PKD1L1: variants seen among roughly 807,000 people sequenced by gnomAD.
PKD1L1 encodes the protein polycystin 1 like 1, transient receptor potential channel interacting.
In PKD1L1, 236 loss-of-function variants were observed where a neutral mutation model predicts 323.4. That is an observed-to-expected ratio of 0.73 (90% CI 0.66 to 0.81). The LOEUF is 0.81. Ranked by LOEUF, PKD1L1 falls within the 40% of genes least tolerant of loss-of-function variation. The pLI is 0.00. For synonymous variants in PKD1L1, 1,344 were observed against 1,335.0 expected (o/e 1.01, Z -0.15); for missense variants, 3,320 against 3,508.0 (o/e 0.95, Z 1.35).
At chr7:47,917,635 C>T (rs1280390057) in intron 7 of PKD1L1, among the ~76,000 whole-genome samples, 1 of 152,206 alleles carries the variant, frequency 6.6e-6, no homozygotes, top group Non-Finnish European at 1.5e-5. Flanking sequence ...GCAGATTTCT[C>T]AGCAGAAACC....
chr7:47,876,061 G>T (rs1311660022), intron 23 of PKD1L1, 36 bp downstream of exon 23: 2 of 1,607,296 alleles, frequency 1.2e-6, no homozygotes, highest in East Asian at 4.5e-5. Flanking sequence ...CTGTAGGTTG[G>T]CACAGCTAGT....
the PKD1L1 span, among the ~76,000 whole-genome samples, chr7:47,954,303 G>A: frequency 6.6e-6 from 1 of 152,178 alleles, no homozygotes; most frequent in South Asian, 2.1e-4. Flanking sequence ...TAAGGCTTAT[G>A]TTATGGTTTA....
chr7:47,835,608 C>T (rs1417533517), intron 37 of PKD1L1, among the ~76,000 whole-genome samples: 2 of 152,112 alleles, frequency 1.3e-5, no homozygotes, highest in Admixed American at 6.6e-5. Context: ...ACCATGTTGG[C>T]CAGGCTGCTC....
At chr7:47,911,849 G>A (rs998088343) in intron 8 of PKD1L1, among the ~76,000 whole-genome samples, 7 of 149,988 alleles carry the variant, frequency 4.7e-5, no homozygotes, top group Admixed American at 2.0e-4. Context: ...ATGTGTGTAC[G>A]CAACACACAC....
In PKD1L1 at chr7:47,835,000, G is replaced by A. The variant is rs761797136; in HGVS notation, c.6094C>T (p.Leu2032Phe). ...GCCTCGGTCTGTGCTCCTCCTCTAA[G>A]TGGGCTGTGTGGCTCCACTCGGGCA... Reference protein sequence around the residue: ...GSARVEPHSPLRGGAQTEAPH... With the variant: ...GSARVEPHSPFRGGAQTEAPH... The change falls in exon 39 of 57, where the codon CTT becomes TTT. Residue 2032 changes from leucine to phenylalanine, a missense_variant. Physicochemically the swap from Leu to Phe is conservative, Grantham distance 22 (BLOSUM62 0). Transcript: ENST00000289672. 1.2e-6 allele frequency: 2 copies of A among 1,613,908 alleles called. No homozygotes were observed. Among genetic ancestry groups the A allele is most frequent in the South Asian group, 2.2e-5 (2 of 91,038 alleles).
rs1786995186 is a variant in PKD1L1 at position 47,897,992 on chromosome 7, G to A, written c.2267C>T (p.Ala756Val). Residue 756 changes from alanine (A) to valine (V), a missense_variant, in exon 14 of 57, where the codon GCC (alanine) becomes GTC (valine). Physicochemically the swap from Ala to Val is moderately conservative, Grantham distance 64. Coordinates refer to ENST00000289672, the MANE Select transcript of PKD1L1 (RefSeq NM_138295.5). ...GCAGTAAGTCAGCCAGCTGACCTTGGCAAGGGCAGTGTAGTTCCCATACTC... is the reference window on the plus strand; with the variant it reads ...GCAGTAAGTCAGCCAGCTGACCTTGACAAGGGCAGTGTAGTTCCCATACTC... ...TLEYGNYTAL[A>V]KVQIEGSVVY... 6.2e-7 allele frequency: 1 copy of A among 1,604,280 alleles called. No individual in the cohort carries two copies. Among genetic ancestry groups the A allele is most frequent in the African/African-American group, 1.3e-5 (1 of 74,816 alleles).
At chr7:47,905,006 T>C in intron 11 of PKD1L1, 151 bp downstream of exon 11, 1 of 824,466 alleles carries the variant, frequency 1.2e-6, no homozygotes, top group Non-Finnish European at 1.9e-6. Flanking sequence ...TTAAATCTTA[T>C]GTTGAGTTTG....
intron 1 of PKD1L1, among the ~76,000 whole-genome samples, chr7:47,945,717 C>T (rs1162354050): frequency 1.3e-5 from 2 of 152,168 alleles, no homozygotes; most frequent in Admixed American, 6.5e-5. Context: ...CCACCACGTG[C>T]GCCCCACAGT....
intron 22 of PKD1L1, among the ~76,000 whole-genome samples, chr7:47,876,733 A>G (rs1358776721): frequency 6.6e-6 from 1 of 152,110 alleles, no homozygotes; most frequent in Non-Finnish European, 1.5e-5. Context: ...CAGGGTCACA[A>G]TATCACAGGC....
intron 24 of PKD1L1, among the ~76,000 whole-genome samples, chr7:47,870,637 A>G (rs1380982285): frequency 6.6e-6 from 1 of 152,224 alleles, no homozygotes; most frequent in Non-Finnish European, 1.5e-5. Flanking sequence ...GCCAGGTCCA[A>G]ATAACTTTGC....
intron 2 of PKD1L1, among the ~76,000 whole-genome samples, chr7:47,942,585 T>G (rs1788011281): frequency 6.6e-6 from 1 of 152,160 alleles, no homozygotes; most frequent in African/African-American, 2.4e-5. Context: ...CTTAAAGGAA[T>G]CCTGGCAATT....
At position 47,948,453 on chromosome 7, in the gene PKD1L1, C is replaced by G. The variant is rs1417547181; in HGVS notation, c.-13G>C. On this transcript the variant is annotated 5_prime_UTR_variant, in exon 1 of 57. Transcript: ENST00000289672. ...CCTCCTCGGCCATGTCCTGTGCAAG[C>G]TGGTCACAAGTATGACAGTCAGCAG... 3.7e-6 allele frequency: 6 copies of G among 1,614,022 alleles called. No individual in the cohort carries two copies. Among genetic ancestry groups the G allele is most frequent in the Non-Finnish European group, 5.1e-6 (6 of 1,179,986 alleles).
chr7:47,796,259 T>A (rs917645023), intron 54 of PKD1L1, 109 bp from the exon 55 acceptor site: 5 of 1,061,534 alleles, frequency 4.7e-6, no homozygotes, highest in Non-Finnish European at 6.5e-6. Flanking sequence ...GATGCTACTT[T>A]ACGAGCTTTT....
At position 47,853,107 on chromosome 7, in the gene PKD1L1, A is replaced by G. The variant is rs1785817186; in HGVS notation, c.4960+20T>C. ...AATCATGTAAACAGAAAGGGAAAAT[A>G]AGGCGCCCTGTTCACTGACCTTTCT... On this transcript the variant is annotated intron_variant, in intron 31 of 56. Transcript: ENST00000289672. The G allele has an allele frequency of 4.6e-6, 7 of 1,528,680 alleles. No homozygotes were observed. Among genetic ancestry groups the G allele is most frequent in the Middle Eastern group, 1.7e-4 (1 of 5,910 alleles). The allele number at this position is 1,528,680 out of a possible 1,614,324, so 94.7% of individuals were successfully genotyped here. A position where few individuals can be genotyped will look rare whatever the true frequency, so the allele number is the denominator to read the frequency against.
intron 45 of PKD1L1, among the ~76,000 whole-genome samples, chr7:47,824,960 A>C (rs1016821314): frequency 6.6e-6 from 1 of 152,250 alleles, no homozygotes; most frequent in Admixed American, 6.5e-5. Flanking sequence ...GATTGTAAAA[A>C]GTGTGGATGC....
At chr7:47,891,617 T>C (rs76133458) in intron 15 of PKD1L1, among the ~76,000 whole-genome samples, 7,007 of 152,264 alleles carry the variant, frequency 0.046, 388 homozygotes, top group African/African-American at 0.14. Flanking sequence ...CATAAAGAGG[T>C]ACTGTGATGG....
intron 16 of PKD1L1, among the ~76,000 whole-genome samples, chr7:47,890,053 G>T (rs550922235): frequency 6.6e-6 from 1 of 152,366 alleles, no homozygotes; most frequent in South Asian, 2.1e-4. Context: ...CAGGGGTTCT[G>T]GGTTTGGGGC....
intron 26 of PKD1L1, among the ~76,000 whole-genome samples, chr7:47,863,721 A>G (rs1471405906): frequency 6.6e-6 from 1 of 152,062 alleles, no homozygotes; most frequent in East Asian, 1.9e-4. Flanking sequence ...CCAAAGTTTG[A>G]TGGTCTAAAA....
intron 8 of PKD1L1, among the ~76,000 whole-genome samples, chr7:47,910,957 T>TACAG (rs1429334082): frequency 6.6e-6 from 1 of 151,908 alleles, no homozygotes; most frequent in Non-Finnish European, 1.5e-5. Context: ...GTGCTGGGAT[T>TACAG]ACAGGCATGA....
Sources: gnomAD v4.1 joint callset for allele counts (sites outside exome capture counted in the v4.1 genomes callset) on GRCh38, gnomAD v4.1.1 for gene constraint, MANE v1.5 for transcripts, NCBI Gene and HGNC (gene_info 2026-07-23, HGNC 2026-07-21) for gene names.